Variants in TDRD5 observed in about 807,000 individuals in gnomAD.
TDRD5 encodes the protein tudor domain-containing protein 5.
TDRD5 carries 41 observed loss-of-function variants against 120.6 expected under a neutral mutation model. The ratio of observed to expected loss-of-function variants is 0.34; its 90% CI spans 0.26 to 0.44. The LOEUF (loss-of-function observed/expected upper bound fraction) is 0.44, where lower values mean the gene tolerates loss of function less well. Ranked by LOEUF, TDRD5 falls within the 20% of genes least tolerant of loss-of-function variation. The pLI is 1.00. For missense variants in TDRD5, 1,006 were observed against 1,221.2 expected (o/e 0.82, Z 2.63); for synonymous variants, 430 against 433.7 (o/e 0.99, Z 0.11).
At chr1:179,621,115 C>T (rs1483818961) in intron 6 of TDRD5, 24 bp downstream of exon 6, 4 of 1,578,112 alleles carry the variant, frequency 2.5e-6, no homozygotes, top group South Asian at 1.2e-5. Context: ...TTTTCCCCAA[C>T]CCTAATTTTT....
intron 4 of TDRD5, among the ~76,000 whole-genome samples, chr1:179,603,214 G>A (rs1479184637): frequency 6.6e-6 from 1 of 152,106 alleles, no homozygotes; most frequent in Non-Finnish European, 1.5e-5. Context: ...ACTGATTTGT[G>A]TACATTAATC....
At chr1:179,592,459 C>A in intron 1 of TDRD5, 143 bp from the exon 2 acceptor site, 1 of 641,174 alleles carries the variant, frequency 1.6e-6, no homozygotes, top group Non-Finnish European at 2.7e-6. Flanking sequence ...CACGCGCAAG[C>A]CGCAGGGCAC....
At chr1:179,601,211 CT>C (rs1379969767) in intron 4 of TDRD5, among the ~76,000 whole-genome samples, 1 of 151,800 alleles carries the variant, frequency 6.6e-6, no homozygotes, top group Non-Finnish European at 1.5e-5. Flanking sequence ...TCTATTTTAC[CT>C]TTTAGTTCAG....
intron 4 of TDRD5, among the ~76,000 whole-genome samples, chr1:179,598,060 T>C (rs1455050256): frequency 6.6e-6 from 1 of 152,222 alleles, no homozygotes; most frequent in Non-Finnish European, 1.5e-5. Context: ...CTAGGTGGTA[T>C]ATAGCCTACT....
Position 179,669,335 on chromosome 1 carries a change from C to G in TDRD5, c.2791C>G (p.Gln931Glu). Reference protein sequence around the residue: ...NNSQTQPKQIQLSTAAPCSTT... With the variant: ...NNSQTQPKQIELSTAAPCSTT... ...CAGTCAGACTCAGCCAAAGCAAATT[C>G]AGCTTTCCACAGCAGCACCCTGTTC... The change falls in exon 17 of 18, where the codon CAG (glutamine) becomes GAG (glutamate). Residue 931 changes from glutamine (Q) to glutamate (E), a missense_variant. Physicochemically the swap from Gln to Glu is conservative, Grantham distance 29. Transcript: ENST00000444136. The G allele has an allele frequency of 8.1e-6, 13 of 1,614,196 alleles. No homozygotes were observed. The highest frequency in any genetic ancestry group is 1.0e-5 in the Non-Finnish European group (12 of 1,180,034).
At chr1:179,595,520 C>G (rs1675342265) in intron 3 of TDRD5, 108 bp from the exon 4 acceptor site, 1 of 928,760 alleles carries the variant, frequency 1.1e-6, no homozygotes, top group Non-Finnish European at 1.5e-6. Context: ...ATTTTTGCTT[C>G]TAAGTTGAAG....
At chr1:179,650,646 A>G (rs903661223) in intron 11 of TDRD5, among the ~76,000 whole-genome samples, 9 of 152,070 alleles carry the variant, frequency 5.9e-5, no homozygotes, top group Non-Finnish European at 8.8e-5. Flanking sequence ...ACATCACATA[A>G]TTATTTAAAT....
At chr1:179,685,323 G>A (rs1395330602) in intron 17 of TDRD5, among the ~76,000 whole-genome samples, 1 of 152,010 alleles carries the variant, frequency 6.6e-6, no homozygotes, top group Non-Finnish European at 1.5e-5. Flanking sequence ...TTTCTTGTTT[G>A]TGTCAGGTTT....
intron 6 of TDRD5, among the ~76,000 whole-genome samples, chr1:179,630,219 G>A (rs926828696): frequency 3.9e-5 from 6 of 152,094 alleles, no homozygotes; most frequent in African/African-American, 7.2e-5. Flanking sequence ...GGATGGTTTC[G>A]ATCTCCTGAT....
intron 17 of TDRD5, among the ~76,000 whole-genome samples, chr1:179,681,614 T>C (rs1396691005): frequency 1.3e-5 from 2 of 152,214 alleles, no homozygotes; most frequent in Admixed American, 1.3e-4. Flanking sequence ...TTCAGCTTCG[T>C]AGGCCATATG....
At position 179,652,028 on chromosome 1, in the gene TDRD5, T is replaced by C. The variant is rs1678746705; in HGVS notation, c.2002-11T>C. 1 of 1,608,416 alleles carries C rather than the reference T, an allele frequency of 6.2e-7. No individual in the cohort carries two copies. The highest frequency in any genetic ancestry group is 1.7e-5 in the Admixed American group (1 of 58,184). ...TAAATTAAACCATCCCTTTTCTTTT[T>C]TTAATCTTAGGGTTTCAGTGAGCTC... On this transcript the variant is annotated splice_polypyrimidine_tract_variant and intron_variant, in intron 12 of 17. Transcript: ENST00000444136.
At chr1:179,615,657 C>T (rs1315206183) in intron 4 of TDRD5, among the ~76,000 whole-genome samples, 4 of 152,062 alleles carry the variant, frequency 2.6e-5, no homozygotes, top group Non-Finnish European at 5.9e-5. Context: ...TTTTCCATTC[C>T]ACATTATAAC....
chr1:179,690,097 C>T (rs1044965407), intron 17 of TDRD5, among the ~76,000 whole-genome samples: 8 of 152,196 alleles, frequency 5.3e-5, no homozygotes, highest in Non-Finnish European at 1.0e-4. Flanking sequence ...GTGAGATGAA[C>T]CCAGCACCTC....
intron 4 of TDRD5, among the ~76,000 whole-genome samples, chr1:179,600,565 C>G (rs1675651412): frequency 6.6e-6 from 1 of 152,154 alleles, no homozygotes; most frequent in Non-Finnish European, 1.5e-5. Flanking sequence ...TTAAAAGATG[C>G]ATGGCTGTAT....
chr1:179,614,321 G>A (rs1000661637), intron 4 of TDRD5, among the ~76,000 whole-genome samples: 3 of 152,108 alleles, frequency 2.0e-5, no homozygotes, highest in Non-Finnish European at 4.4e-5. Context: ...AATGTGCCAT[G>A]ATTTTAAATG....
chr1:179,613,483 A>G (rs1222180446), intron 4 of TDRD5, among the ~76,000 whole-genome samples: 1 of 152,204 alleles, frequency 6.6e-6, no homozygotes, highest in Non-Finnish European at 1.5e-5. Flanking sequence ...TGCTATAACA[A>G]GCTACCGCAA....
intron 12 of TDRD5, among the ~76,000 whole-genome samples, chr1:179,651,661 C>T (rs1386275356): frequency 2.6e-5 from 4 of 152,158 alleles, no homozygotes; most frequent in African/African-American, 9.7e-5. Context: ...CGCCTGTAAT[C>T]CCAGTACTTT....
At chr1:179,648,466 G>T in intron 11 of TDRD5, among the ~76,000 whole-genome samples, 1 of 111,304 alleles carries the variant, frequency 9.0e-6, no homozygotes, top group Non-Finnish European at 1.9e-5. Flanking sequence ...GGGGGGGAGG[G>T]ATAGCATTGG....
intron 17 of TDRD5, among the ~76,000 whole-genome samples, chr1:179,683,023 C>G (rs1680513774): frequency 6.6e-6 from 1 of 151,984 alleles, no homozygotes; most frequent in South Asian, 2.1e-4. Context: ...TTTCTTCTCT[C>G]TCTCTCTCTG....
Sources: gnomAD v4.1 joint callset for allele counts (sites outside exome capture counted in the v4.1 genomes callset) on GRCh38, gnomAD v4.1.1 for gene constraint, MANE v1.5 for transcripts, NCBI Gene and HGNC (gene_info 2026-07-23, HGNC 2026-07-21) for gene names.